RGS6: variants seen among roughly 807,000 people sequenced by gnomAD.
The protein encoded by RGS6 is regulator of G protein signaling 6.
Under a neutral mutation model 78.5 loss-of-function variants are expected in RGS6, and 30 were observed. The ratio of observed to expected loss-of-function variants is 0.38; its 90% CI spans 0.29 to 0.52. The LOEUF (loss-of-function observed/expected upper bound fraction) is 0.52, where lower values mean the gene tolerates loss of function less well. Among genes scored for constraint, RGS6 ranks in the 20% least tolerant of loss-of-function variants. RGS6 has a pLI of 0.85. For missense variants in RGS6, 495 were observed against 609.7 expected (o/e 0.81, Z 1.98); for synonymous variants, 206 against 206.0 (o/e 1.00, Z 0.00).
At chr14:72,015,833 CTGTACTCAG>C (rs2086835366) in intron 2 of RGS6, among the ~76,000 whole-genome samples, 1 of 152,214 alleles carries the variant, frequency 6.6e-6, no homozygotes, top group Non-Finnish European at 1.5e-5. Context: ...AGTGTCTCTT[CTGTACTCAG>C]TGGCCGTCTG....
At chr14:72,083,583 G>A (rs1597286352) in intron 2 of RGS6, among the ~76,000 whole-genome samples, 1 of 152,264 alleles carries the variant, frequency 6.6e-6, no homozygotes, top group Non-Finnish European at 1.5e-5. Context: ...CTGCCATGAC[G>A]TCCCTCGGAT....
chr14:72,167,768 A>G (rs1185743840), intron 2 of RGS6, among the ~76,000 whole-genome samples: 1 of 152,248 alleles, frequency 6.6e-6, no homozygotes, highest in East Asian at 1.9e-4. Flanking sequence ...AGGCAAATAA[A>G]AACATTATCA....
chr14:71,867,562 A>C, the RGS6 span, among the ~76,000 whole-genome samples: 5 of 152,268 alleles, frequency 3.3e-5, no homozygotes, highest in East Asian at 5.8e-4. Context: ...ACTCCAAGAC[A>C]AGTGGAAGGA....
At chr14:72,387,278 G>A (rs1332402610) in intron 3 of RGS6, among the ~76,000 whole-genome samples, 2 of 152,124 alleles carry the variant, frequency 1.3e-5, no homozygotes, top group Non-Finnish European at 2.9e-5. Context: ...GGCTGGGCGC[G>A]GTGGCTGGCG....
intron 3 of RGS6, among the ~76,000 whole-genome samples, chr14:72,452,104 G>T (rs2095509815): frequency 6.6e-6 from 1 of 152,068 alleles, no homozygotes; most frequent in Non-Finnish European, 1.5e-5. Flanking sequence ...CCCACCCCCA[G>T]CTTGGGACTA....
In RGS6 at chr14:72,472,869, C is replaced by A; in HGVS notation, c.537-3C>A. The stretch of plus-strand genomic sequence containing the variant: ...TATTTCCTTCCTCTCTTTACTCTTT[C>A]AGGATTGACCGGAAAAAAGACAAGA... On this transcript the variant is annotated splice_region_variant and splice_polypyrimidine_tract_variant and intron_variant, in intron 8 of 17. Coordinates refer to ENST00000553525, the MANE Select transcript of RGS6 (RefSeq NM_001204424.2). 6.2e-7 allele frequency: 1 copy of A among 1,604,618 alleles called. No homozygotes were observed. The highest frequency in any genetic ancestry group is 8.5e-7 in the Non-Finnish European group (1 of 1,174,098).
the RGS6 span, chr14:72,629,522 G>T: frequency 6.1e-6 from 7 of 1,139,154 alleles, no homozygotes; most frequent in South Asian, 5.7e-5. Flanking sequence ...AGGGTAACAG[G>T]CCCCAGGGGC....
chr14:71,888,014 G>A, the RGS6 span, among the ~76,000 whole-genome samples: 1 of 152,102 alleles, frequency 6.6e-6, no homozygotes, highest in Admixed American at 6.5e-5. Flanking sequence ...GATATGTGAC[G>A]TCACCCCCGG....
At chr14:72,555,742 G>A (rs1196678564) in intron 17 of RGS6, among the ~76,000 whole-genome samples, 1 of 152,252 alleles carries the variant, frequency 6.6e-6, no homozygotes, top group Non-Finnish European at 1.5e-5. Context: ...TTCGTTTAGT[G>A]GAGTTTATAG....
chr14:72,516,612 C>T (rs557111370), intron 14 of RGS6, among the ~76,000 whole-genome samples: 86 of 152,300 alleles, frequency 5.6e-4, no homozygotes, highest in African/African-American at 1.0e-3. Flanking sequence ...GGCTGGAATC[C>T]GAGGGATCAC....
At chr14:71,959,264 G>T (rs553832427) in intron 1 of RGS6, among the ~76,000 whole-genome samples, 1 of 151,978 alleles carries the variant, frequency 6.6e-6, no homozygotes, top group African/African-American at 2.4e-5. Flanking sequence ...AAACAAGCTC[G>T]TACTACTGAG....
the RGS6 span, among the ~76,000 whole-genome samples, chr14:72,595,707 T>C: frequency 6.6e-6 from 1 of 152,246 alleles, no homozygotes; most frequent in South Asian, 2.1e-4. Flanking sequence ...GATCTGTTTA[T>C]TTAATTGATG....
intron 2 of RGS6, among the ~76,000 whole-genome samples, chr14:71,998,741 T>A (rs544646092): frequency 6.6e-6 from 1 of 152,332 alleles, no homozygotes; most frequent in African/African-American, 2.4e-5. Context: ...CTGGAAGATA[T>A]CTTTATACCA....
the RGS6 span, among the ~76,000 whole-genome samples, chr14:72,586,661 C>T: frequency 4.6e-5 from 7 of 152,258 alleles, no homozygotes; most frequent in African/African-American, 1.7e-4. Context: ...GCAGAGCTTA[C>T]TCTCTCCTGA....
intron 2 of RGS6, among the ~76,000 whole-genome samples, chr14:72,179,069 G>A (rs177000): frequency 0.71 from 108,678 of 152,102 alleles, 39,009 homozygotes; most frequent in East Asian, 0.91. Flanking sequence ...AGAAAATCAT[G>A]AAACAGAAAT....
intron 1 of RGS6, among the ~76,000 whole-genome samples, chr14:71,940,795 A>G (rs549243379): frequency 7.9e-5 from 12 of 152,218 alleles, no homozygotes; most frequent in East Asian, 1.9e-4. Context: ...TCCCAAGTCT[A>G]TTTTGCAAGG....
intron 2 of RGS6, among the ~76,000 whole-genome samples, chr14:72,322,842 C>A (rs1210746750): frequency 6.6e-6 from 1 of 152,002 alleles, no homozygotes; most frequent in Non-Finnish European, 1.5e-5. Flanking sequence ...ATTCTCTAAT[C>A]TTGATGAAAA....
chr14:72,478,094 A>G (rs1465005531), intron 11 of RGS6, among the ~76,000 whole-genome samples, 174 bp from the exon 12 acceptor site: 1 of 152,194 alleles, frequency 6.6e-6, no homozygotes, highest in Non-Finnish European at 1.5e-5. Context: ...CTTGTATGAT[A>G]GGGATGTCCA....
chr14:72,092,778 C>G (rs370282172), intron 2 of RGS6, among the ~76,000 whole-genome samples: 1 of 152,210 alleles, frequency 6.6e-6, no homozygotes, highest in African/African-American at 2.4e-5. Context: ...TTCCTGTATT[C>G]TCTGCATCCA....
Sources: allele counts gnomAD v4.1 joint callset (sites outside exome capture counted in the v4.1 genomes callset), GRCh38; gene constraint gnomAD v4.1.1; transcripts MANE v1.5; gene names NCBI Gene and HGNC (gene_info 2026-07-23, HGNC 2026-07-21).